Variants in SHC4 observed in about 807,000 individuals in gnomAD.
SHC4 encodes SHC adaptor protein 4.
Under a neutral mutation model 69.4 loss-of-function variants are expected in SHC4, and 41 were observed. The observed-to-expected ratio is 0.59, with a 90% CI of 0.46 to 0.77. The LOEUF (loss-of-function observed/expected upper bound fraction) is 0.77. Among genes scored for constraint, SHC4 ranks in the 30% least tolerant of loss-of-function variants. The probability of loss-of-function intolerance (pLI) is 0.00; values close to 1 mark genes in which losing one functional copy is unlikely to be tolerated. For missense variants in SHC4, 777 were observed against 783.8 expected (o/e 0.99, Z 0.10); for synonymous variants, 318 against 299.3 (o/e 1.06, Z -0.64).
chr15:48,839,665 A>C (rs2140970803), intron 10 of SHC4, among the ~76,000 whole-genome samples: 1 of 152,308 alleles, frequency 6.6e-6, no homozygotes, highest in Admixed American at 6.5e-5. Context: ...TTTCTACTGC[A>C]ATTACCTTAT....
At chr15:48,933,061 G>C (rs1900999331) in intron 1 of SHC4, among the ~76,000 whole-genome samples, 1 of 152,078 alleles carries the variant, frequency 6.6e-6, no homozygotes, top group African/African-American at 2.4e-5. Flanking sequence ...AAAACTCAGT[G>C]CTTAATAATA....
chr15:48,873,856 C>T (rs1899743524), intron 4 of SHC4, among the ~76,000 whole-genome samples: 1 of 151,928 alleles, frequency 6.6e-6, no homozygotes, highest in Non-Finnish European at 1.5e-5. Context: ...TTTTGGAAAA[C>T]TTCACTGAAG....
chr15:48,840,523 T>G (rs947736072), intron 10 of SHC4, among the ~76,000 whole-genome samples: 1 of 152,050 alleles, frequency 6.6e-6, no homozygotes, highest in African/African-American at 2.4e-5. Context: ...AGGCTAAGTA[T>G]GCCTAAAGAA....
chr15:48,920,188 T>C (rs1379520106), intron 2 of SHC4, among the ~76,000 whole-genome samples: 1 of 151,546 alleles, frequency 6.6e-6, no homozygotes, highest in Non-Finnish European at 1.5e-5. Flanking sequence ...CTAATTTTTT[T>C]TTTTTTGTAT....
At chr15:48,909,529 A>G (rs1900470042) in intron 2 of SHC4, among the ~76,000 whole-genome samples, 1 of 151,982 alleles carries the variant, frequency 6.6e-6, no homozygotes, top group African/African-American at 2.4e-5. Flanking sequence ...CTCTTTACTG[A>G]TTTGGATGCT....
intron 10 of SHC4, among the ~76,000 whole-genome samples, chr15:48,840,415 G>A (rs1401138104): frequency 6.6e-6 from 1 of 152,152 alleles, no homozygotes; most frequent in African/African-American, 2.4e-5. Flanking sequence ...GGAGCCCTAA[G>A]AGCATACCTG....
intron 1 of SHC4, among the ~76,000 whole-genome samples, chr15:48,932,091 T>G (rs1900976852): frequency 6.6e-6 from 1 of 151,982 alleles, no homozygotes; most frequent in Non-Finnish European, 1.5e-5. Flanking sequence ...TAAGATGGGG[T>G]TTCTGGTGTC....
intron 8 of SHC4, among the ~76,000 whole-genome samples, chr15:48,855,124 C>T (rs1369509592): frequency 6.6e-6 from 1 of 151,802 alleles, no homozygotes; most frequent in Non-Finnish European, 1.5e-5. Context: ...TATGCCAAAC[C>T]CCCATGATAA....
intron 1 of SHC4, among the ~76,000 whole-genome samples, chr15:48,950,544 G>T (rs1194642575): frequency 2.0e-5 from 3 of 152,072 alleles, no homozygotes; most frequent in African/African-American, 7.2e-5. Flanking sequence ...CAGAATATTA[G>T]CTCCATGAGA....
At chr15:48,838,264 G>A (rs1898932876) in intron 10 of SHC4, among the ~76,000 whole-genome samples, 1 of 152,214 alleles carries the variant, frequency 6.6e-6, no homozygotes, top group South Asian at 2.1e-4. Context: ...AGCTGAGAAT[G>A]TGCACATTGG....
At chr15:48,955,324 G>A (rs192601344) in intron 1 of SHC4, among the ~76,000 whole-genome samples, 3 of 152,178 alleles carry the variant, frequency 2.0e-5, no homozygotes, top group Non-Finnish European at 4.4e-5. Flanking sequence ...GAGTGAAGCT[G>A]GGTAGGAGCG....
intron 9 of SHC4, 45 bp downstream of exon 9, chr15:48,851,143 C>G (rs756952194): frequency 6.3e-7 from 1 of 1,593,986 alleles, no homozygotes; most frequent in Non-Finnish European, 8.6e-7. Flanking sequence ...ATAGGACTTA[C>G]AAGGAATAAG....
intron 1 of SHC4, among the ~76,000 whole-genome samples, chr15:48,925,634 C>T (rs752855889): frequency 4.6e-5 from 7 of 152,122 alleles, no homozygotes; most frequent in Non-Finnish European, 7.4e-5. Context: ...GCTCGAACAC[C>T]ATGTATTGCA....
chr15:48,871,354 A>G (rs1899674209), intron 5 of SHC4, among the ~76,000 whole-genome samples: 1 of 152,328 alleles, frequency 6.6e-6, no homozygotes, highest in African/African-American at 2.4e-5. Flanking sequence ...AAAAAGACCA[A>G]TAATGTCACA....
At chr15:48,883,578 A>T (rs1336440189) in intron 4 of SHC4, among the ~76,000 whole-genome samples, 1 of 152,220 alleles carries the variant, frequency 6.6e-6, no homozygotes, top group African/African-American at 2.4e-5. Flanking sequence ...AATTTAGTTT[A>T]AAAAATTAAA....
At chr15:48,831,878 C>T (rs1237465764) in intron 11 of SHC4, among the ~76,000 whole-genome samples, 1 of 152,174 alleles carries the variant, frequency 6.6e-6, no homozygotes, top group Non-Finnish European at 1.5e-5. Context: ...TTTGTTTCAA[C>T]TTGAAGGACT....
chr15:48,922,889 G>C (rs1207054115), intron 2 of SHC4, among the ~76,000 whole-genome samples: 1 of 152,144 alleles, frequency 6.6e-6, no homozygotes, highest in Non-Finnish European at 1.5e-5. Context: ...CATGTCACTT[G>C]AAGAGTAATT....
At chr15:48,945,562 G>A (rs910000900) in intron 1 of SHC4, among the ~76,000 whole-genome samples, 1 of 152,196 alleles carries the variant, frequency 6.6e-6, no homozygotes, top group Non-Finnish European at 1.5e-5. Context: ...ACTGACACAT[G>A]CTACAACATG....
At position 48,851,243 on chromosome 15, in the gene SHC4, T is replaced by A; in HGVS notation, c.1248A>T (p.Gly416=). Reference sequence around the variant, plus strand: ...CATATACACTGCTGCACTTGGAGTTTCCAGGCTGCATGAACAACAAATTAT... The same window carrying A: ...CATATACACTGCTGCACTTGGAGTTACCAGGCTGCATGAACAACAAATTAT... ...IQCEKLCYLP[G]NSKCSSVYEN... The change falls in exon 9 of 12, where the codon GGA becomes GGT. Residue 416 remains glycine, a synonymous_variant. Coordinates refer to ENST00000332408, the MANE Select transcript of SHC4 (RefSeq NM_203349.4). The A allele has an allele frequency of 6.2e-7, 1 of 1,614,082 alleles. No homozygotes were observed. Among genetic ancestry groups the A allele is most frequent in the Non-Finnish European group, 8.5e-7 (1 of 1,179,968 alleles).
Sources: allele counts gnomAD v4.1 joint callset (sites outside exome capture counted in the v4.1 genomes callset), GRCh38; gene constraint gnomAD v4.1.1; transcripts MANE v1.5; gene names NCBI Gene and HGNC (gene_info 2026-07-23, HGNC 2026-07-21).